Variants in ST8SIA1 observed in about 807,000 individuals in gnomAD.
ST8SIA1 encodes ST8 alpha-N-acetyl-neuraminide alpha-2,8-sialyltransferase 1, also known as alpha-N-acetylneuraminide alpha-2,8-sialyltransferase.
Under a neutral mutation model 35.9 loss-of-function variants are expected in ST8SIA1, and 16 were observed. That is an observed-to-expected ratio of 0.45 (90% CI 0.30 to 0.68). The LOEUF is 0.68. Among genes scored for constraint, ST8SIA1 ranks in the 30% least tolerant of loss-of-function variants. ST8SIA1 has a pLI of 0.09. For synonymous variants in ST8SIA1, 170 were observed against 169.6 expected (o/e 1.00, Z -0.02); for missense variants, 383 against 453.6 (o/e 0.84, Z 1.41).
intron 1 of ST8SIA1, among the ~76,000 whole-genome samples, chr12:22,313,329 C>T (rs1866476425): frequency 6.6e-6 from 1 of 151,950 alleles, no homozygotes; most frequent in Non-Finnish European, 1.5e-5. Flanking sequence ...ACAGTAAAAA[C>T]AGGTAAGATA....
intron 4 of ST8SIA1, among the ~76,000 whole-genome samples, chr12:22,211,489 C>A (rs1019529965): frequency 2.0e-5 from 3 of 152,184 alleles, no homozygotes; most frequent in Admixed American, 6.5e-5. Flanking sequence ...AAATACATCA[C>A]CTTGTGGACA....
chr12:22,214,215 A>G (rs2120644022), intron 4 of ST8SIA1, among the ~76,000 whole-genome samples: 1 of 152,280 alleles, frequency 6.6e-6, no homozygotes, highest in South Asian at 2.1e-4. Flanking sequence ...AAAACAGAGG[A>G]AAAAAGAGTT....
chr12:22,334,489 T>G lies in ST8SIA1; in HGVS notation c.-257A>C. ...GTCACGATCTATGGCCATGGTCGCT[T>G]CCCCTGCAGAAGGCGGGCGCTGGGG... On this transcript the variant is annotated 5_prime_UTR_variant, in exon 1 of 5. Coordinates refer to ENST00000396037, the MANE Select transcript of ST8SIA1 (RefSeq NM_003034.4). The G allele has an allele frequency of 1.9e-6, 1 of 527,454 alleles. No homozygotes were observed. Among genetic ancestry groups the G allele is most frequent in the Non-Finnish European group, 3.4e-6 (1 of 294,742 alleles). The allele number at this position is 527,454 out of a possible 1,614,324, so 32.7% of individuals were successfully genotyped here. A position where few individuals can be genotyped will look rare whatever the true frequency, so the allele number is the denominator to read the frequency against.
intron 4 of ST8SIA1, among the ~76,000 whole-genome samples, chr12:22,204,180 CA>C (rs3216627): frequency 2.5e-4 from 38 of 150,340 alleles, no homozygotes; most frequent in Middle Eastern, 6.9e-3. Flanking sequence ...CTCTCCTCTT[CA>C]AAAAAAAAAT....
chr12:22,305,600 C>T (rs1866374814), intron 1 of ST8SIA1, among the ~76,000 whole-genome samples: 1 of 152,064 alleles, frequency 6.6e-6, no homozygotes. Flanking sequence ...AGGCTGTCCT[C>T]GAACTCCTGA....
chr12:22,207,539 G>A (rs1292816094), intron 4 of ST8SIA1, among the ~76,000 whole-genome samples: 2 of 152,142 alleles, frequency 1.3e-5, no homozygotes, highest in African/African-American at 4.8e-5. Context: ...GGGAGTGGGG[G>A]GCGGTCTGAG....
chr12:22,288,421 G>C (rs1225850717), intron 1 of ST8SIA1, among the ~76,000 whole-genome samples: 1 of 152,154 alleles, frequency 6.6e-6, no homozygotes, highest in Non-Finnish European at 1.5e-5. Flanking sequence ...AGAACGTACT[G>C]GTAGAGCAAA....
intron 4 of ST8SIA1, among the ~76,000 whole-genome samples, chr12:22,212,121 TA>T (rs888360761): frequency 2.0e-5 from 3 of 152,238 alleles, no homozygotes; most frequent in African/African-American, 7.2e-5. Flanking sequence ...AACACATTTA[TA>T]AAAAATAACT....
intron 2 of ST8SIA1, among the ~76,000 whole-genome samples, chr12:22,283,994 T>C (rs1192851338): frequency 6.6e-6 from 1 of 152,166 alleles, no homozygotes; most frequent in Admixed American, 6.5e-5. Flanking sequence ...CAGAAAGTTG[T>C]GGAAGGTTCA....
rs1178495362 is a variant in ST8SIA1 at position 22,201,732 on chromosome 12, G to A, written c.891C>T (p.Pro297=). The change falls in exon 5 of 5, where the codon CCC becomes CCT. Residue 297 remains proline, a synonymous_variant. Transcript: ENST00000396037. The part of the protein sequence containing the change: ...CEEVAIYGFW[P]FSVNMHEQPI... ...GCTGCTCATGCATATTCACAGAGAA[G>A]GGCCAGAAGCCATAGATGGCCACCT... 1 of 1,614,094 alleles carries A rather than the reference G, an allele frequency of 6.2e-7. No homozygotes were observed. Among genetic ancestry groups the A allele is most frequent in the East Asian group, 2.2e-5 (1 of 44,882 alleles).
intron 4 of ST8SIA1, among the ~76,000 whole-genome samples, chr12:22,217,459 C>T (rs192456146): frequency 6.6e-6 from 1 of 152,212 alleles, no homozygotes; most frequent in East Asian, 1.9e-4. Flanking sequence ...ATGTTCATAT[C>T]TGTGTCTAAT....
rs947840503 is a variant in ST8SIA1, at chr12:22,248,874, C to T, written c.584+132G>A. 4 of 601,174 alleles carry T rather than the reference C, an allele frequency of 6.7e-6. No individual in the cohort carries two copies. The South Asian group carries it at 7.2e-5, about 11-fold the overall frequency. The allele number at this position is 601,174 out of a possible 1,614,324, so 37.2% of individuals were successfully genotyped here. On this transcript the variant is annotated intron_variant, in intron 4 of 4. Transcript: ENST00000396037. ...TGTTTTCTTTATTTACAATTCCCTTCATCCTTCCTGCCTGTCCAGATGGTT... is the reference window on the plus strand; with the variant it reads ...TGTTTTCTTTATTTACAATTCCCTTTATCCTTCCTGCCTGTCCAGATGGTT...
intron 2 of ST8SIA1, among the ~76,000 whole-genome samples, chr12:22,258,979 G>T (rs1473688790): frequency 1.3e-5 from 2 of 152,146 alleles, no homozygotes; most frequent in South Asian, 4.1e-4. Context: ...CCTGGAAGGG[G>T]TCTAACCTCA....
intron 2 of ST8SIA1, among the ~76,000 whole-genome samples, chr12:22,261,349 G>A (rs1865789472): frequency 1.3e-5 from 2 of 152,092 alleles, no homozygotes; most frequent in Admixed American, 1.3e-4. Context: ...GTTTCACCAT[G>A]TTGGCCAGAC....
intron 1 of ST8SIA1, among the ~76,000 whole-genome samples, chr12:22,306,774 T>C (rs1866388999): frequency 6.6e-6 from 1 of 152,144 alleles, no homozygotes; most frequent in Admixed American, 6.5e-5. Context: ...CTTTTATTGT[T>C]TCTTTAATAA....
Position 22,289,490 on chromosome 12 carries a change from G to A in ST8SIA1, c.237-2197C>T, listed in dbSNP as rs142675010. On this transcript the variant is annotated intron_variant, in intron 1 of 4. Coordinates refer to ENST00000396037, the MANE Select transcript of ST8SIA1 (RefSeq NM_003034.4). The stretch of plus-strand genomic sequence containing the variant: ...CTTTCTCTGCCCTAAAAAAAATGCT[G>A]TGTAAACACTGGCCAACTGCCGCAG... 4.5e-3 allele frequency among the ~76,000 whole-genome samples: 680 copies of A among 152,236 alleles called. 7 individuals carry two copies. The highest frequency in any genetic ancestry group is 0.016 in the African/African-American group (658 of 41,532).
chr12:22,247,661 C>T (rs546319522), intron 4 of ST8SIA1, among the ~76,000 whole-genome samples: 11 of 151,630 alleles, frequency 7.3e-5, no homozygotes, highest in Non-Finnish European at 1.5e-4. Context: ...AAGGGAGGAG[C>T]ATCAGAGTAA....
At chr12:22,323,683 G>A (rs1399494389) in intron 1 of ST8SIA1, among the ~76,000 whole-genome samples, 1 of 152,186 alleles carries the variant, frequency 6.6e-6, no homozygotes. Context: ...CCATAAAAAG[G>A]AATGAGATGG....
At chr12:22,329,360 A>C (rs78765109) in intron 1 of ST8SIA1, among the ~76,000 whole-genome samples, 1 of 152,184 alleles carries the variant, frequency 6.6e-6, no homozygotes, top group Non-Finnish European at 1.5e-5. Flanking sequence ...GGAAAAAAAA[A>C]CATATATAAG....
Sources: allele counts gnomAD v4.1 joint callset (sites outside exome capture counted in the v4.1 genomes callset), GRCh38; gene constraint gnomAD v4.1.1; transcripts MANE v1.5; gene names NCBI Gene and HGNC (gene_info 2026-07-23, HGNC 2026-07-21).